SLC9A9: variants seen among roughly 807,000 people sequenced by gnomAD.
SLC9A9 encodes the protein sodium/hydrogen exchanger 9.
Under a neutral mutation model 77.8 loss-of-function variants are expected in SLC9A9, and 62 were observed. The ratio of observed to expected loss-of-function variants is 0.80; its 90% CI spans 0.65 to 0.98. The LOEUF (loss-of-function observed/expected upper bound fraction) is 0.98. SLC9A9 is among the 50% of genes least tolerant of loss of function. The probability of loss-of-function intolerance (pLI) is 0.00; values close to 1 mark genes in which losing one functional copy is unlikely to be tolerated. For missense variants in SLC9A9, 775 were observed against 774.9 expected (o/e 1.00, Z 0.00); for synonymous variants, 320 against 283.5 (o/e 1.13, Z -1.29).
chr3:143,380,347 T>G (rs1347228170), intron 13 of SLC9A9, among the ~76,000 whole-genome samples: 2 of 152,180 alleles, frequency 1.3e-5, no homozygotes, highest in Non-Finnish European at 2.9e-5. Flanking sequence ...GTATATGTGA[T>G]TGTAGAATAT....
rs75883500 is a variant in SLC9A9 at position 143,740,439 on chromosome 3, C to A, written c.534-47132G>T. 4.1e-3 allele frequency among the ~76,000 whole-genome samples: 629 copies of A among 152,196 alleles called. 2 individuals carry two copies. The Middle Eastern group carries it at 0.044, about 11-fold the overall frequency. On this transcript the variant is annotated intron_variant, in intron 4 of 15. Transcript: ENST00000316549. Reference sequence around the variant, plus strand: ...TTACTGTCAATTTTCATTAATATGGCTCAGTTTTAAAATTAAGCATAGTGA... The same window carrying A: ...TTACTGTCAATTTTCATTAATATGGATCAGTTTTAAAATTAAGCATAGTGA...
intron 4 of SLC9A9, among the ~76,000 whole-genome samples, chr3:143,787,304 T>C (rs2008083049): frequency 6.6e-6 from 1 of 152,228 alleles, no homozygotes; most frequent in African/African-American, 2.4e-5. Context: ...TCATAATATT[T>C]TGAATACCTA....
intron 4 of SLC9A9, among the ~76,000 whole-genome samples, chr3:143,775,738 A>G (rs1429869625): frequency 1.3e-5 from 2 of 152,190 alleles, no homozygotes; most frequent in Non-Finnish European, 2.9e-5. Flanking sequence ...TTCATTCTTC[A>G]CATGTTTAGG....
At chr3:143,598,789 C>CCTTG (rs1354448364) in intron 6 of SLC9A9, among the ~76,000 whole-genome samples, 1 of 152,204 alleles carries the variant, frequency 6.6e-6, no homozygotes, top group Non-Finnish European at 1.5e-5. Flanking sequence ...CTGCTGCTGC[C>CCTTG]CTTGTCCTTT....
chr3:143,766,335 A>T (rs2007317787), intron 4 of SLC9A9, among the ~76,000 whole-genome samples: 1 of 152,166 alleles, frequency 6.6e-6, no homozygotes, highest in Admixed American at 6.5e-5. Flanking sequence ...GAAGAAAGAA[A>T]ATTTAAAAGG....
chr3:143,596,732 G>A (rs967754786), intron 6 of SLC9A9, among the ~76,000 whole-genome samples: 8 of 151,976 alleles, frequency 5.3e-5, no homozygotes, highest in African/African-American at 1.7e-4. Flanking sequence ...GCATGAATAT[G>A]GCTAACTATA....
At chr3:143,328,590 C>A (rs535026353) in intron 14 of SLC9A9, among the ~76,000 whole-genome samples, 1 of 152,342 alleles carries the variant, frequency 6.6e-6, no homozygotes, top group Non-Finnish European at 1.5e-5. Context: ...AGTGCAATGC[C>A]ATCCCCTTTA....
intron 14 of SLC9A9, among the ~76,000 whole-genome samples, chr3:143,362,885 C>T (rs2032788744): frequency 1.3e-5 from 2 of 152,272 alleles, no homozygotes; most frequent in South Asian, 4.1e-4. Context: ...ACAGTGATTG[C>T]TAGATTTTTA....
At chr3:143,669,320 G>A (rs558395469) in intron 5 of SLC9A9, among the ~76,000 whole-genome samples, 6 of 152,234 alleles carry the variant, frequency 3.9e-5, no homozygotes, top group South Asian at 2.1e-4. Context: ...CATCCTATAC[G>A]TCTTTGAGCA....
At chr3:143,792,220 T>C (rs1035714616) in intron 4 of SLC9A9, among the ~76,000 whole-genome samples, 9 of 152,214 alleles carry the variant, frequency 5.9e-5, no homozygotes, top group African/African-American at 2.2e-4. Context: ...CTTGTCACCA[T>C]TTATTTATAA....
At chr3:143,412,211 A>G (rs1373256768) in intron 12 of SLC9A9, among the ~76,000 whole-genome samples, 2 of 151,972 alleles carry the variant, frequency 1.3e-5, no homozygotes, top group African/African-American at 2.4e-5. Context: ...GCAAGATGCA[A>G]TGGAACCAGA....
At chr3:143,517,403 G>A (rs563811211) in intron 9 of SLC9A9, 20 of 1,516,856 alleles carry the variant, frequency 1.3e-5, no homozygotes, top group Non-Finnish European at 1.7e-5. Flanking sequence ...GCCATACTGT[G>A]CTCCTGACTG....
chr3:143,326,762 A>G (rs1576426867), intron 14 of SLC9A9, among the ~76,000 whole-genome samples: 1 of 152,152 alleles, frequency 6.6e-6, no homozygotes, highest in East Asian at 1.9e-4. Context: ...CCCCTAGTAC[A>G]TTGTTAGATT....
intron 8 of SLC9A9, among the ~76,000 whole-genome samples, chr3:143,562,156 C>T (rs1433416241): frequency 6.6e-6 from 1 of 152,142 alleles, no homozygotes; most frequent in Non-Finnish European, 1.5e-5. Flanking sequence ...ATAAAGCAGG[C>T]CTAGGCCTCA....
rs142127759 is a variant in SLC9A9, at chr3:143,562,112, G to C, written c.1001-9662C>G. Reference sequence around the variant, plus strand: ...CTATTGAGATCCTATACTGAGCAAAGCACTGACCATGGGTATGAGGAACAC... The same window carrying C: ...CTATTGAGATCCTATACTGAGCAAACCACTGACCATGGGTATGAGGAACAC... On this transcript the variant is annotated intron_variant, in intron 8 of 15. Transcript: ENST00000316549. Among the ~76,000 whole-genome samples the C allele has an allele frequency of 2.1e-3, 324 of 152,322 alleles. 2 individuals are homozygous for C. The highest frequency in any genetic ancestry group is 7.2e-3 in the African/African-American group (300 of 41,576).
At chr3:143,543,300 G>C (rs530930813) in intron 9 of SLC9A9, among the ~76,000 whole-genome samples, 2 of 151,670 alleles carry the variant, frequency 1.3e-5, no homozygotes, top group East Asian at 3.9e-4. Flanking sequence ...CTATACCAGC[G>C]GCCCACCCCT....
At chr3:143,340,275 A>T (rs1303654496) in intron 14 of SLC9A9, among the ~76,000 whole-genome samples, 1 of 152,222 alleles carries the variant, frequency 6.6e-6, no homozygotes, top group African/African-American at 2.4e-5. Flanking sequence ...ATAAAACAGT[A>T]GGCAGAGGTC....
intron 1 of SLC9A9, among the ~76,000 whole-genome samples, chr3:143,844,048 C>T (rs1227181741): frequency 2.6e-5 from 4 of 151,882 alleles, no homozygotes; most frequent in East Asian, 1.9e-4. Flanking sequence ...TTCCTATGAC[C>T]CTTAATAATA....
intron 4 of SLC9A9, among the ~76,000 whole-genome samples, chr3:143,763,581 T>G (rs538412295): frequency 2.5e-4 from 38 of 152,288 alleles, no homozygotes; most frequent in African/African-American, 8.7e-4. Context: ...GTGATAGGTG[T>G]TACTAAAAAC....
Sources: allele counts gnomAD v4.1 joint callset (sites outside exome capture counted in the v4.1 genomes callset), GRCh38; gene constraint gnomAD v4.1.1; transcripts MANE v1.5; gene names NCBI Gene and HGNC (gene_info 2026-07-23, HGNC 2026-07-21).